LONRF3: variants seen among roughly 807,000 people sequenced by gnomAD.
The protein encoded by LONRF3 is LON peptidase N-terminal domain and ring finger 3, also known as LON peptidase N-terminal domain and RING finger protein 3.
A neutral mutation model predicts 51.7 loss-of-function variants in LONRF3; 19 were observed. That is an observed-to-expected ratio of 0.37 (90% CI 0.26 to 0.54). The LOEUF (loss-of-function observed/expected upper bound fraction) is 0.54. Among genes scored for constraint, LONRF3 ranks in the 20% least tolerant of loss-of-function variants. LONRF3 has a pLI of 0.86. For synonymous variants in LONRF3, 265 were observed against 257.8 expected, an observed-to-expected ratio of 1.03 and a Z score of -0.27; for missense variants, 521 against 623.9, an observed-to-expected ratio of 0.84 and a Z score of 1.76.
chrX:119,013,003 A>C lies in LONRF3; in HGVS notation c.1812-36A>C, dbSNP rs754903903. The C allele has an allele frequency of 1.7e-5, 20 of 1,205,101 alleles. No homozygotes were observed. The South Asian group carries it at 3.6e-4, about 22-fold the overall frequency. On this transcript the variant is annotated intron_variant, in intron 8 of 10. Transcript: ENST00000371628. ...CAGCCCAGGGAAACAGAACTCATCAAGGATCTAGTCTCTCGACTCCATTCT... is the reference window on the plus strand; with the variant it reads ...CAGCCCAGGGAAACAGAACTCATCACGGATCTAGTCTCTCGACTCCATTCT...
rs1479592612 is a variant in LONRF3 at position 119,017,661 on chromosome X, CT to C, written c.2252del (p.Leu751ArgfsTer31). ...KDRLNGIRRVLAFISRNQN is the reference protein window; with the variant it reads ...KDRLNGIRRVXAFISRNQN ...CAGACTGAATGGTATTCGACGAGTC[CT>C]GGCCTTCATATCCCGAAACCAAAAC... On this transcript the variant is annotated frameshift_variant, in exon 11 of 11. Coordinates refer to ENST00000371628, the MANE Select transcript of LONRF3 (RefSeq NM_001031855.3). LOFTEE classifies it high-confidence loss of function. 1 of 1,198,589 alleles carries C rather than the reference CT, an allele frequency of 8.3e-7. No individual in the cohort carries two copies. Among genetic ancestry groups the C allele is most frequent in the Admixed American group, 2.2e-5 (1 of 44,627 alleles).
chrX:118,991,247 G>A (rs867527555), intron 5 of LONRF3, among the ~76,000 whole-genome samples: 5 of 111,408 alleles, frequency 4.5e-5, no homozygotes, highest in Non-Finnish European at 7.5e-5. Flanking sequence ...CCACGCCCCC[G>A]CCACCCACCT....
At chrX:119,010,975 A>G (rs1420144215) in intron 7 of LONRF3, among the ~76,000 whole-genome samples, 1 of 110,182 alleles carries the variant, frequency 9.1e-6, no homozygotes, top group Non-Finnish European at 1.9e-5. Context: ...TTAGCCAGGC[A>G]TGGTGGCATG....
chrX:118,990,675 C>A, intron 5 of LONRF3, 115 bp downstream of exon 5: 1 of 545,891 alleles, frequency 1.8e-6, no homozygotes, highest in Non-Finnish European at 3.1e-6. Flanking sequence ...ATAGCTCTAA[C>A]GGAATGGAAA....
intron 5 of LONRF3, among the ~76,000 whole-genome samples, chrX:119,005,891 G>A (rs1924671328): frequency 9.0e-6 from 1 of 111,679 alleles, no homozygotes; most frequent in Non-Finnish European, 1.9e-5. Flanking sequence ...GACTAGAATT[G>A]ATGTTACAAA....
intron 5 of LONRF3, among the ~76,000 whole-genome samples, chrX:119,002,180 T>C (rs1039197713): frequency 1.8e-5 from 2 of 112,204 alleles, no homozygotes; most frequent in Admixed American, 9.4e-5. Flanking sequence ...ATGTAACCCC[T>C]CTCAGTTCAA....
chrX:119,012,934 A>G (rs1323098783), intron 8 of LONRF3, 105 bp from the exon 9 acceptor site: 1 of 1,203,713 alleles, frequency 8.3e-7, no homozygotes, highest in Admixed American at 2.2e-5. Context: ...AATAGGCAGA[A>G]GTCCCTTGAG....
intron 2 of LONRF3, 58 bp from the exon 3 acceptor site, chrX:118,982,763 G>T (rs1462317793): frequency 8.4e-7 from 1 of 1,190,347 alleles, no homozygotes; most frequent in Non-Finnish European, 1.1e-6. Context: ...GTTATTGTTA[G>T]AGCAGTAGTG....
At chrX:118,987,569 A>AT (rs941439592) in intron 3 of LONRF3, among the ~76,000 whole-genome samples, 3 of 102,203 alleles carry the variant, frequency 2.9e-5, no homozygotes, top group Admixed American at 1.1e-4. Flanking sequence ...GCTAGGATAC[A>AT]TTTTTTTCCA....
intron 2 of LONRF3, among the ~76,000 whole-genome samples, chrX:118,981,336 T>A (rs761638225): frequency 1.4e-3 from 158 of 109,648 alleles, no homozygotes; most frequent in African/African-American, 5.2e-3. Flanking sequence ...AATACAAAAC[T>A]TAGCCAGGCA....
In LONRF3 at chrX:119,006,151, C is replaced by T. The variant is rs771774621; in HGVS notation, c.1446C>T (p.Cys482=). 4.2e-6 allele frequency: 5 copies of T among 1,194,488 alleles called. No individual in the cohort carries two copies. Among genetic ancestry groups the T allele is most frequent in the South Asian group, 1.8e-5 (1 of 55,036 alleles). Residue 482 remains cysteine, a synonymous_variant, in exon 6 of 11, where the codon TGC becomes TGT. Coordinates refer to ENST00000371628, the MANE Select transcript of LONRF3 (RefSeq NM_001031855.3). ...RLFYEPVTTP[C]GHTFCLKCLE... ...TCTATGAGCCAGTCACAACACCTTG[C>T]GGGCATACTTTTTGCTTAAAATGCC...
At chrX:119,006,035 A>G in intron 5 of LONRF3, 86 bp from the exon 6 acceptor site, 1 of 544,523 alleles carries the variant, frequency 1.8e-6, no homozygotes, top group African/African-American at 2.3e-5. Flanking sequence ...AATATTCTAA[A>G]TAATGCTTTA....
intron 5 of LONRF3, among the ~76,000 whole-genome samples, chrX:119,003,981 G>T (rs1187956118): frequency 1.9e-5 from 2 of 104,510 alleles, no homozygotes. Flanking sequence ...GTGTGTGCAC[G>T]TGTGTGTGTA....
Position 118,975,204 on chromosome X carries a change from G to A in LONRF3, c.424G>A (p.Gly142Arg), listed in dbSNP as rs766151882. ...ASGTVAAEET[G>R]AAAAAAATEV... is the part of the protein sequence containing the mutation. ...CGGCACCGTGGCGGCGGAAGAGACGGGGGCCGCCGCGGCTGCGGCGGCCAC... is the reference window on the plus strand; with the variant it reads ...CGGCACCGTGGCGGCGGAAGAGACGAGGGCCGCCGCGGCTGCGGCGGCCAC... The change falls in exon 1 of 11, where the codon GGG (glycine) becomes AGG (arginine). Residue 142 changes from glycine (G) to arginine (R), a missense_variant. Physicochemically the swap from Gly to Arg is moderately radical, Grantham distance 125. This residue lies in a region of LONRF3 where 376 missense variants were observed against 376.7 expected (regional missense o/e 1.00). Transcript: ENST00000371628. The A allele has an allele frequency of 6.0e-6, 7 of 1,168,593 alleles. No homozygotes were observed. The East Asian group carries it at 2.3e-4, about 38-fold the overall frequency.
At chrX:118,980,448 A>G (rs767200889) in intron 2 of LONRF3, among the ~76,000 whole-genome samples, 1 of 112,369 alleles carries the variant, frequency 8.9e-6, no homozygotes, top group African/African-American at 3.2e-5. Context: ...ATAATGGATT[A>G]TCAGAACTTT....
At position 118,975,416 on chromosome X, in the gene LONRF3, C is replaced by A. The variant is rs1284758045; in HGVS notation, c.636C>A (p.Ala212=). Residue 212 remains alanine, a synonymous_variant, in exon 1 of 11, where the codon GCC becomes GCA. Coordinates refer to ENST00000371628, the MANE Select transcript of LONRF3 (RefSeq NM_001031855.3). ...LMVATGRARG[A]RRAGQQPPPP... The stretch of plus-strand genomic sequence containing the variant: ...TGGCCACTGGGCGGGCGCGTGGAGC[C>A]CGGCGGGCTGGGCAGCAGCCGCCGC... 1 of 1,194,003 alleles carries A rather than the reference C, an allele frequency of 8.4e-7. No individual in the cohort carries two copies. Among genetic ancestry groups the A allele is most frequent in the East Asian group, 3.0e-5 (1 of 32,879 alleles).
In LONRF3 at chrX:118,974,841, T is replaced by G. The variant is rs766485761; in HGVS notation, c.61T>G (p.Leu21Val). The change falls in exon 1 of 11, where the codon TTG becomes GTG. Residue 21 changes from leucine (L) to valine (V), a missense_variant. Transcript: ENST00000371628. ...GCCCGCTGAGGTCAGCAGCGACAAC[T>G]TGGAGTCGGCGGAGCGAGGGGCATC... Reference protein sequence around the residue: ...SLPAEVSSDNLESAERGASAA... With the variant: ...SLPAEVSSDNVESAERGASAA... The G allele has an allele frequency of 8.3e-7, 1 of 1,208,398 alleles. No homozygotes were observed. Among genetic ancestry groups the G allele is most frequent in the Admixed American group, 2.2e-5 (1 of 45,857 alleles).
chrX:118,996,779 G>A (rs113827748), intron 5 of LONRF3, among the ~76,000 whole-genome samples: 60 of 109,646 alleles, frequency 5.5e-4, no homozygotes, highest in African/African-American at 1.8e-3. Flanking sequence ...AAAATTAGCC[G>A]GGCGTGGTGG....
chrX:119,011,112 TAA>T (rs753631329), intron 7 of LONRF3, among the ~76,000 whole-genome samples: 35 of 86,389 alleles, frequency 4.1e-4, no homozygotes, highest in Non-Finnish European at 3.0e-4. Context: ...AGACTCCGCT[TAA>T]AAAAAAAAAA....
Sources: allele counts gnomAD v4.1 joint callset (sites outside exome capture counted in the v4.1 genomes callset), GRCh38; gene constraint gnomAD v4.1.1; regional missense constraint gnomAD v4.1.1; transcripts MANE v1.5; gene names NCBI Gene and HGNC (gene_info 2026-07-23, HGNC 2026-07-21).